LRRC56: variants seen among roughly 807,000 people sequenced by gnomAD.
LRRC56 encodes leucine-rich repeat-containing protein 56.
Under a neutral mutation model 47.8 loss-of-function variants are expected in LRRC56, and 41 were observed. The observed-to-expected ratio is 0.86, with a 90% CI of 0.67 to 1.11. The LOEUF (loss-of-function observed/expected upper bound fraction) is 1.11. Ranked by LOEUF, LRRC56 falls within the 50% of genes most tolerant of loss-of-function variation. The pLI is 0.00. For missense variants in LRRC56, 759 were observed against 704.2 expected (o/e 1.08, Z -0.88); for synonymous variants, 387 against 311.2 (o/e 1.24, Z -2.56).
At chr11:546,851 G>C (rs1459139727) in intron 6 of LRRC56, among the ~76,000 whole-genome samples, 1 of 151,956 alleles carries the variant, frequency 6.6e-6, no homozygotes, top group Non-Finnish European at 1.5e-5. Context: ...AGGAGTTCAA[G>C]ATCCGCCTGG....
chr11:538,398 G>A (rs140766654), intron 1 of LRRC56, among the ~76,000 whole-genome samples, 200 bp from the exon 2 acceptor site: 24 of 152,332 alleles, frequency 1.6e-4, no homozygotes, highest in Middle Eastern at 3.4e-3. Flanking sequence ...GGGTCCTGCT[G>A]TGAGGCCTGG....
chr11:526,478 A>G, the LRRC56 span, among the ~76,000 whole-genome samples: 16,314 of 152,232 alleles, frequency 0.11, 1,083 homozygotes, highest in Admixed American at 0.2. Flanking sequence ...AGGACCCAGC[A>G]ACCCCGCCCC....
chr11:549,789 A>T, intron 6 of LRRC56, 113 bp from the exon 7 acceptor site: 1 of 832,828 alleles, frequency 1.2e-6, no homozygotes, highest in Non-Finnish European at 2.0e-6. Flanking sequence ...TCCTCAGTCT[A>T]GAGGCCACCA....
chr11:510,594 C>T, the LRRC56 span, among the ~76,000 whole-genome samples: 1 of 152,098 alleles, frequency 6.6e-6, no homozygotes, highest in Admixed American at 6.5e-5. Context: ...AAAAATTAGC[C>T]AGGCATGGTG....
upstream of LRRC56, chr11:533,462 C>T (rs777386438): frequency 4.3e-6 from 7 of 1,613,200 alleles, no homozygotes; most frequent in East Asian, 1.1e-4. Flanking sequence ...CCTGCCGGGT[C>T]TTGGCCGAGG....
upstream of LRRC56, chr11:533,609 C>T (rs1230645747): frequency 2.5e-6 from 4 of 1,613,810 alleles, no homozygotes; most frequent in African/African-American, 2.7e-5. Flanking sequence ...GTTTGATCTG[C>T]TCCCTGAGAG....
At chr11:538,172 C>T (rs940781687) in intron 1 of LRRC56, among the ~76,000 whole-genome samples, 1 of 152,202 alleles carries the variant, frequency 6.6e-6, no homozygotes, top group Non-Finnish European at 1.5e-5. Context: ...CCCACAGCCT[C>T]CAACCCCTTG....
At chr11:547,658 C>T (rs1852159548) in intron 6 of LRRC56, among the ~76,000 whole-genome samples, 1 of 151,862 alleles carries the variant, frequency 6.6e-6, no homozygotes, top group South Asian at 2.1e-4. Context: ...GGCCAGAAGC[C>T]TCTATTGTTA....
At position 553,962 on chromosome 11, in the gene LRRC56, G is replaced by C. The variant is rs747775813; in HGVS notation, c.1316-1G>C. 1 of 1,610,098 alleles carries C rather than the reference G, an allele frequency of 6.2e-7. No homozygotes were observed. Among genetic ancestry groups the C allele is most frequent in the Non-Finnish European group, 8.5e-7 (1 of 1,178,790 alleles). On this transcript the variant is annotated splice_acceptor_variant, in intron 13 of 13. Transcript: ENST00000270115. LOFTEE classifies it high-confidence loss of function. ...GTCCCATCACTCTGCTTGCTTTCTA[G>C]AGCCCTCCGGGACCTCGAGCCAGCA... is the stretch of plus-strand genomic sequence containing the variant.
chr11:532,829 G>T, upstream of LRRC56: 1 of 1,488,548 alleles, frequency 6.7e-7, no homozygotes, highest in Non-Finnish European at 9.3e-7. Context: ...CCCTGCTGTG[G>T]GATCAAGCCT....
At chr11:508,259 G>A in the LRRC56 span, among the ~76,000 whole-genome samples, 2 of 152,124 alleles carry the variant, frequency 1.3e-5, no homozygotes, top group Non-Finnish European at 2.9e-5. Flanking sequence ...TCCACCTCCC[G>A]GACTCCAGTG....
In LRRC56 at chr11:544,793, G is replaced by T. The variant is rs200409322; in HGVS notation, c.326+13G>T. On this transcript the variant is annotated intron_variant, in intron 6 of 13. Transcript: ENST00000270115. ...TGGGCTCCCTGAGGTGAGCGCCTGAGGGGGGTGGGCTGGGGCCCTGCCATG... is the reference window on the plus strand; with the variant it reads ...TGGGCTCCCTGAGGTGAGCGCCTGATGGGGGTGGGCTGGGGCCCTGCCATG... The T allele has an allele frequency of 3.4e-5, 55 of 1,611,302 alleles. No individual in the cohort carries two copies. In the South Asian group the frequency reaches 3.7e-4, roughly 11 times the overall value.
chr11:532,879 C>A, upstream of LRRC56: 1 of 932,660 alleles, frequency 1.1e-6, no homozygotes, highest in South Asian at 1.3e-5. Context: ...GCCACTTCCC[C>A]AGGCCCACCA....
At chr11:550,593 T>C (rs1852334066) in intron 8 of LRRC56, among the ~76,000 whole-genome samples, 1 of 152,040 alleles carries the variant, frequency 6.6e-6, no homozygotes, top group Admixed American at 6.5e-5. Context: ...CACACACACC[T>C]GTGTACGCCC....
chr11:551,193 G>A lies in LRRC56; in HGVS notation c.687G>A (p.Leu229=), dbSNP rs1589817236. ...VRKLIPQLQV[L]DEVPAAHTGP... is the part of the protein sequence containing the mutation. ...AGCTCATTCCCCAGCTGCAGGTCCT[G>A]GACGAAGTGCCGGCCGCACACACAG... The change falls in exon 9 of 14, where the codon CTG becomes CTA. Residue 229 remains leucine (L), a synonymous_variant. Transcript: ENST00000270115. 16 of 1,546,622 alleles carry A rather than the reference G, an allele frequency of 1.0e-5. No individual in the cohort carries two copies. In the South Asian group the frequency reaches 1.8e-4, roughly 17 times the overall value.
upstream of LRRC56, chr11:535,194 G>A (rs1177834394): frequency 6.6e-6 from 1 of 151,408 alleles, no homozygotes; most frequent in African/African-American, 2.4e-5. Context: ...GTGGGGCCCG[G>A]ATTCCCGCAG....
the LRRC56 span, among the ~76,000 whole-genome samples, chr11:520,224 A>C: frequency 2.2e-5 from 1 of 45,196 alleles, no homozygotes; most frequent in Non-Finnish European, 4.3e-5. Flanking sequence ...GAGCTTTATT[A>C]GAACGCGGCC....
In LRRC56 at chr11:552,096, G is replaced by A. The variant is rs192064604; in HGVS notation, c.1045G>A (p.Glu349Lys). Residue 349 changes from glutamate (E) to lysine (K), a missense_variant, in exon 12 of 14, where the codon GAG becomes AAG. By Grantham distance (56) the Glu-to-Lys change is moderately conservative (BLOSUM62 1). Transcript: ENST00000270115. ...RERRHQCQAR[E>K]PPEQLPQHRP... ...AGTCCCTTTTCCTCCCCAGGCCAGG[G>A]AGCCCCCCGAGCAGCTGCCCCAACA... is the stretch of plus-strand genomic sequence containing the variant. 3.7e-6 allele frequency: 6 copies of A among 1,610,512 alleles called. No homozygotes were observed. In the African/African-American group the frequency reaches 8.0e-5, roughly 21 times the overall value.
At chr11:534,998 G>A (rs1455406604), upstream of LRRC56, among the ~76,000 whole-genome samples, 1 of 152,198 alleles carries the variant, frequency 6.6e-6, no homozygotes, top group African/African-American at 2.4e-5. Context: ...CGGGAGACCC[G>A]GAGAGGGAAA....
Sources: allele counts gnomAD v4.1 joint callset (sites outside exome capture counted in the v4.1 genomes callset), GRCh38; gene constraint gnomAD v4.1.1; transcripts MANE v1.5; gene names NCBI Gene and HGNC (gene_info 2026-07-23, HGNC 2026-07-21).